Variants in TP63 observed in about 807,000 individuals in gnomAD.
The protein encoded by TP63 is tumor protein p63, also known as tumor protein 63.
A neutral mutation model predicts 82.8 loss-of-function variants in TP63; 17 were observed. The observed-to-expected ratio is 0.21, with a 90% CI of 0.14 to 0.31. TP63 has a LOEUF of 0.31. Among genes scored for constraint, TP63 ranks in the 10% least tolerant of loss-of-function variants. The probability of loss-of-function intolerance (pLI) is 1.00; values close to 1 mark genes in which losing one functional copy is unlikely to be tolerated. For missense variants in TP63, 648 were observed against 895.3 expected (o/e 0.72, Z 3.52); for synonymous variants, 330 against 321.7 (o/e 1.03, Z -0.28).
chr3:189,852,280 T>A (rs903291931), intron 4 of TP63, among the ~76,000 whole-genome samples: 1 of 152,164 alleles, frequency 6.6e-6, no homozygotes, highest in Non-Finnish European at 1.5e-5. Flanking sequence ...CTTCATGTAA[T>A]TTTTTTATTT....
chr3:189,736,612 A>G (rs1720613313), intron 1 of TP63, among the ~76,000 whole-genome samples: 1 of 152,086 alleles, frequency 6.6e-6, no homozygotes, highest in Non-Finnish European at 1.5e-5. Flanking sequence ...AGACAGTATT[A>G]TACACTTTTT....
intron 1 of TP63, among the ~76,000 whole-genome samples, chr3:189,683,367 A>C (rs922779159): frequency 6.6e-6 from 1 of 152,222 alleles, no homozygotes; most frequent in African/African-American, 2.4e-5. Flanking sequence ...TATGTGGCAG[A>C]GCTAAAATAA....
the TP63 span, among the ~76,000 whole-genome samples, chr3:189,617,261 C>A: frequency 6.6e-6 from 1 of 152,290 alleles, no homozygotes; most frequent in South Asian, 2.1e-4. Context: ...GTGGGTTGAC[C>A]AAGCAGCCCA....
intron 1 of TP63, among the ~76,000 whole-genome samples, chr3:189,725,050 T>G (rs1468528849): frequency 6.6e-6 from 1 of 152,238 alleles, no homozygotes; most frequent in African/African-American, 2.4e-5. Flanking sequence ...CCTTATGATT[T>G]GTATCAGACT....
chr3:189,859,573 G>A (rs1716748600), intron 4 of TP63, among the ~76,000 whole-genome samples: 1 of 152,096 alleles, frequency 6.6e-6, no homozygotes, highest in Admixed American at 6.5e-5. Context: ...ATGCTGACAA[G>A]GATATGAAGT....
At chr3:189,840,538 AACATATTCTT>A (rs1713923357) in intron 4 of TP63, among the ~76,000 whole-genome samples, 1 of 151,636 alleles carries the variant, frequency 6.6e-6, no homozygotes, top group Non-Finnish European at 1.5e-5. Flanking sequence ...AAGGACTTGG[AACATATTCTT>A]TGTGTGAAAT....
the TP63 span, among the ~76,000 whole-genome samples, chr3:189,611,225 A>G: frequency 0.026 from 3,972 of 152,254 alleles, 168 homozygotes; most frequent in African/African-American, 0.086. Context: ...GCTCATTCCT[A>G]TGTCCAGGAT....
chr3:189,671,335 A>G (rs1714873372), intron 1 of TP63, among the ~76,000 whole-genome samples: 1 of 152,154 alleles, frequency 6.6e-6, no homozygotes, highest in East Asian at 1.9e-4. Flanking sequence ...CCACAATGAG[A>G]TATTATCTCA....
chr3:189,689,216 A>G (rs1716716218), intron 1 of TP63, among the ~76,000 whole-genome samples: 1 of 142,928 alleles, frequency 7.0e-6, no homozygotes, highest in Non-Finnish European at 1.5e-5. Context: ...CCCAGGTTCA[A>G]GCGATTCTCC....
intron 3 of TP63, among the ~76,000 whole-genome samples, chr3:189,787,778 A>C (rs1724730154): frequency 6.6e-6 from 1 of 152,074 alleles, no homozygotes; most frequent in African/African-American, 2.4e-5. Flanking sequence ...TGCTAACAGC[A>C]TTTCCTCTAG....
the TP63 span, among the ~76,000 whole-genome samples, chr3:189,600,054 C>CA: frequency 1.3e-5 from 2 of 152,032 alleles, no homozygotes; most frequent in Non-Finnish European, 2.9e-5. Flanking sequence ...GTCGAAGAGG[C>CA]AAAAACATTT....
intron 4 of TP63, among the ~76,000 whole-genome samples, chr3:189,849,721 A>G (rs538765069): frequency 6.6e-6 from 1 of 152,130 alleles, no homozygotes; most frequent in Admixed American, 6.5e-5. Context: ...TGTAAGGTTT[A>G]CCGTTGGTTC....
At chr3:189,821,598 T>G (rs1728802582) in intron 4 of TP63, among the ~76,000 whole-genome samples, 1 of 152,240 alleles carries the variant, frequency 6.6e-6, no homozygotes, top group South Asian at 2.1e-4. Context: ...TAAGCCTCGC[T>G]TAAAGCATTC....
intron 1 of TP63, among the ~76,000 whole-genome samples, chr3:189,692,936 C>T (rs1480609033): frequency 3.3e-5 from 5 of 152,050 alleles, no homozygotes; most frequent in African/African-American, 4.8e-5. Context: ...TCTTAATACC[C>T]GTACAAGAGA....
In TP63 at chr3:189,639,503, A is replaced by G. The variant is rs541387382; in HGVS notation, c.62+7926A>G. On this transcript the variant is annotated intron_variant, in intron 1 of 13. Transcript: ENST00000264731. The stretch of plus-strand genomic sequence containing the variant: ...ATTATTTGAAGTTCAGAATGAATTC[A>G]TTAAGCTTAGAAGAATAAATGTAAG... Among the ~76,000 whole-genome samples, 4 of 152,316 alleles carry G rather than the reference A, an allele frequency of 2.6e-5. No individual in the cohort carries two copies. In the South Asian group the frequency reaches 6.2e-4, roughly 24 times the overall value.
chr3:189,633,145 C>T (rs758912881), intron 1 of TP63, among the ~76,000 whole-genome samples: 9 of 151,914 alleles, frequency 5.9e-5, no homozygotes, highest in Admixed American at 1.3e-4. Flanking sequence ...ATTACCTTGA[C>T]GATCTATTAG....
chr3:189,734,032 TTTTC>T (rs1370282992), intron 1 of TP63, among the ~76,000 whole-genome samples: 2 of 151,922 alleles, frequency 1.3e-5, no homozygotes, highest in African/African-American at 2.4e-5. Context: ...CCTTTCTTTC[TTTTC>T]TTTCTTTTTC....
intron 3 of TP63, among the ~76,000 whole-genome samples, chr3:189,804,854 A>G (rs1239544628): frequency 6.6e-6 from 1 of 152,214 alleles, no homozygotes; most frequent in Admixed American, 6.5e-5. Flanking sequence ...ATATTTCTGT[A>G]AAGTATCACT....
chr3:189,796,051 C>G (rs1725667466), intron 3 of TP63, among the ~76,000 whole-genome samples: 1 of 151,924 alleles, frequency 6.6e-6, no homozygotes, highest in African/African-American at 2.4e-5. Flanking sequence ...AGAAATAGGA[C>G]CAGAAGTCTT....
Sources: gnomAD v4.1 joint callset for allele counts (sites outside exome capture counted in the v4.1 genomes callset) on GRCh38, gnomAD v4.1.1 for gene constraint, MANE v1.5 for transcripts, NCBI Gene and HGNC (gene_info 2026-07-23, HGNC 2026-07-21) for gene names.